Variants in CMIP observed in about 807,000 individuals in gnomAD.
The protein encoded by CMIP is c-Maf inducing protein.
CMIP carries 13 observed loss-of-function variants against 97.3 expected under a neutral mutation model. That is an observed-to-expected ratio of 0.13 (90% CI 0.09 to 0.21). The LOEUF is 0.21. CMIP is among the 10% of genes least tolerant of loss of function. CMIP has a pLI of 1.00. For synonymous variants in CMIP, 538 were observed against 436.3 expected (o/e 1.23, Z -2.91); for missense variants, 847 against 1,024.9 (o/e 0.83, Z 2.37).
chr16:81,486,215 C>T (rs1023549381), intron 1 of CMIP, among the ~76,000 whole-genome samples: 1 of 152,342 alleles, frequency 6.6e-6, no homozygotes, highest in South Asian at 2.1e-4. Context: ...CAGGCTTTCT[C>T]AGAGATATTC....
chr16:81,625,246 T>G (rs1427025031), intron 3 of CMIP, among the ~76,000 whole-genome samples: 1 of 152,258 alleles, frequency 6.6e-6, no homozygotes, highest in East Asian at 1.9e-4. Flanking sequence ...AGCCCATGGC[T>G]GCTCCACCTC....
At chr16:81,492,387 G>C (rs1319056236) in intron 1 of CMIP, among the ~76,000 whole-genome samples, 1 of 152,200 alleles carries the variant, frequency 6.6e-6, no homozygotes, top group Non-Finnish European at 1.5e-5. Context: ...AGTGCCTTCA[G>C]CTCCTGGCTG....
At chr16:81,487,706 C>T (rs565816175) in intron 1 of CMIP, among the ~76,000 whole-genome samples, 86 of 152,330 alleles carry the variant, frequency 5.6e-4, no homozygotes, top group African/African-American at 1.9e-3. Flanking sequence ...CTGTGGCTTC[C>T]TTGCACCACT....
At chr16:81,547,565 C>A (rs1365329173) in intron 1 of CMIP, among the ~76,000 whole-genome samples, 1 of 151,870 alleles carries the variant, frequency 6.6e-6, no homozygotes, top group African/African-American at 2.4e-5. Context: ...GACAAACTTA[C>A]CGTTTCAGGC....
chr16:81,598,893 C>T (rs922758266), intron 1 of CMIP, among the ~76,000 whole-genome samples: 5 of 140,094 alleles, frequency 3.6e-5, no homozygotes, highest in Non-Finnish European at 6.0e-5. Flanking sequence ...CGCTTGAAGC[C>T]GGGAGGCGGG....
chr16:81,628,229 G>C (rs1054386776), intron 3 of CMIP, among the ~76,000 whole-genome samples: 1 of 152,098 alleles, frequency 6.6e-6, no homozygotes, highest in African/African-American at 2.4e-5. Flanking sequence ...CTGGTCATGG[G>C]AGCCTCCCTG....
chr16:81,618,119 G>T (rs1377545860), intron 2 of CMIP, among the ~76,000 whole-genome samples: 1 of 152,184 alleles, frequency 6.6e-6, no homozygotes, highest in Non-Finnish European at 1.5e-5. Flanking sequence ...TGCTGTGACT[G>T]CTTGCCCCTA....
chr16:81,505,034 C>T (rs2089682946), intron 1 of CMIP, among the ~76,000 whole-genome samples: 1 of 152,246 alleles, frequency 6.6e-6, no homozygotes, highest in Non-Finnish European at 1.5e-5. Context: ...AGCTGCTCAA[C>T]ACACCTGAGG....
intron 3 of CMIP, among the ~76,000 whole-genome samples, chr16:81,623,676 G>C (rs2092021708): frequency 6.6e-6 from 1 of 152,168 alleles, no homozygotes; most frequent in Non-Finnish European, 1.5e-5. Flanking sequence ...TTTTAAAATG[G>C]CAAAGAAACG....
Position 81,614,535 on chromosome 16 carries a change from G to C in CMIP, c.427-6341G>C, listed in dbSNP as rs929580105. ...TGGGTGTGTGTGTGGTATATGCATT[G>C]GTTTCCCCAGTGGAAATGTGGCAGT... On this transcript the variant is annotated intron_variant, in intron 2 of 20. Transcript: ENST00000537098. This position sits in a 1 kb window ranked among gnomAD's most constrained non-coding sequence, Gnocchi z 5.3. Among the ~76,000 whole-genome samples the C allele has an allele frequency of 1.3e-5, 2 of 152,018 alleles. No individual in the cohort carries two copies. The highest frequency in any genetic ancestry group is 4.8e-5 in the African/African-American group (2 of 41,380).
chr16:81,493,856 A>G (rs2089444682), intron 1 of CMIP, among the ~76,000 whole-genome samples: 1 of 152,226 alleles, frequency 6.6e-6, no homozygotes, highest in Non-Finnish European at 1.5e-5. Flanking sequence ...ACGTGGCTTC[A>G]GGGCCCAGGC....
chr16:81,482,633 T>C (rs1007084136), intron 1 of CMIP, among the ~76,000 whole-genome samples: 1 of 152,138 alleles, frequency 6.6e-6, no homozygotes, highest in Non-Finnish European at 1.5e-5. Context: ...CTCCCCCACC[T>C]AGGAGCTTCC....
At chr16:81,694,419 T>G (rs912393740) in intron 13 of CMIP, among the ~76,000 whole-genome samples, 1 of 152,194 alleles carries the variant, frequency 6.6e-6, no homozygotes, top group African/African-American at 2.4e-5. Flanking sequence ...AAGGTGGTAC[T>G]GAACTGGCTG....
At chr16:81,595,054 C>G (rs1597127427) in intron 1 of CMIP, among the ~76,000 whole-genome samples, 2 of 152,162 alleles carry the variant, frequency 1.3e-5, no homozygotes, top group African/African-American at 2.4e-5. Flanking sequence ...CTCTCTCTCT[C>G]TCTCTCTCAA....
chr16:81,604,813 G>A (rs1468598959), intron 1 of CMIP, among the ~76,000 whole-genome samples: 1 of 152,258 alleles, frequency 6.6e-6, no homozygotes, highest in East Asian at 1.9e-4. Context: ...GGCAGGGCAT[G>A]TGAAAGGTAG....
rs2090279123 is a variant in CMIP, at chr16:81,533,404, CACTCAGTACATGGTAGCT to C, written c.301-74161_301-74144del. Among the ~76,000 whole-genome samples, 4 of 152,220 alleles carry C rather than the reference CACTCAGTACATGGTAGCT, an allele frequency of 2.6e-5. No individual in the cohort carries two copies. In the South Asian group the frequency reaches 8.3e-4, roughly 32 times the overall value. On this transcript the variant is annotated intron_variant, in intron 1 of 20. Transcript: ENST00000537098. ...GTTTGCCTGTTAAGTACATGGTAGC[CACTCAGTACATGGTAGCT>C]AAGGTTATGTGCATGATTTTTTATA... is the stretch of plus-strand genomic sequence containing the variant.
At chr16:81,525,990 GTGTGTGTGTGTGTGTGTC>G (rs1417821861) in intron 1 of CMIP, among the ~76,000 whole-genome samples, 177 of 33,466 alleles carry the variant, frequency 5.3e-3, no homozygotes, top group Middle Eastern at 0.013. Context: ...GTGTGTGTGT[GTGTGTGTGTGTGTGTGTC>G]TGTGTGTGTG....
At chr16:81,688,241 G>A (rs552636035) in intron 10 of CMIP, among the ~76,000 whole-genome samples, 1 of 152,200 alleles carries the variant, frequency 6.6e-6, no homozygotes, top group Non-Finnish European at 1.5e-5. Flanking sequence ...CTCTCCCGCT[G>A]TCTCTGCACA....
At chr16:81,473,811 GTTTT>G (rs5818337) in intron 1 of CMIP, among the ~76,000 whole-genome samples, 1 of 127,100 alleles carries the variant, frequency 7.9e-6, no homozygotes, top group Non-Finnish European at 1.7e-5. Context: ...CCACACAGTG[GTTTT>G]TTTTTTTTTT....
Sources: gnomAD v4.1 joint callset for allele counts (sites outside exome capture counted in the v4.1 genomes callset) on GRCh38, gnomAD v4.1.1 for gene constraint, Gnocchi (gnomAD v3.1) non-coding constraint, MANE v1.5 for transcripts, NCBI Gene and HGNC (gene_info 2026-07-23, HGNC 2026-07-21) for gene names.